Variants in CHLSN observed in about 807,000 individuals in gnomAD.
The protein encoded by CHLSN is protein cholesin.
At chr7:1,105,596 A>C in the CHLSN span, among the ~76,000 whole-genome samples, 2 of 152,248 alleles carry the variant, frequency 1.3e-5, no homozygotes, top group African/African-American at 4.8e-5. Flanking sequence ...GCATGTGAAA[A>C]TGTACCAAAT....
the CHLSN span, chr7:987,337 T>G: frequency 6.4e-7 from 1 of 1,568,002 alleles, no homozygotes; most frequent in South Asian, 1.1e-5. Flanking sequence ...CGGCCCACCC[T>G]TTGCCCCAGG....
chr7:1,124,636 C>A, the CHLSN span, among the ~76,000 whole-genome samples: 1 of 149,926 alleles, frequency 6.7e-6, no homozygotes, highest in African/African-American at 2.5e-5. Context: ...GTGGGTGCAG[C>A]GCACCAGCAT....
the CHLSN span, among the ~76,000 whole-genome samples, chr7:1,098,224 T>A: frequency 2.6e-5 from 4 of 151,794 alleles, no homozygotes; most frequent in East Asian, 7.7e-4. Context: ...GCAAGTGGGG[T>A]GGGTGCACAG....
At chr7:1,099,116 G>A in the CHLSN span, among the ~76,000 whole-genome samples, 6 of 138,506 alleles carry the variant, frequency 4.3e-5, no homozygotes, top group African/African-American at 8.1e-5. Flanking sequence ...GAGCCTCGCT[G>A]TCGCGTTCCT....
At chr7:988,390 GC>G in the CHLSN span, 1 of 1,612,688 alleles carries the variant, frequency 6.2e-7, no homozygotes, top group Non-Finnish European at 8.5e-7. Flanking sequence ...ACTTTGTGAA[GC>G]GGGAGGCCTT....
chr7:1,059,670 GTGAGGCGGGTCCGTAGT>G, the CHLSN span, among the ~76,000 whole-genome samples: 2 of 94,458 alleles, frequency 2.1e-5, no homozygotes, highest in Non-Finnish European at 4.5e-5. Context: ...CGGGTCCATA[GTGAGGCGGGTCCGTAGT>G]GGGGCGGGTC....
At chr7:1,115,952 A>C in the CHLSN span, among the ~76,000 whole-genome samples, 59,879 of 95,446 alleles carry the variant, frequency 0.63, 21,421 homozygotes, top group African/African-American at 0.85. Flanking sequence ...CCATCACCAA[A>C]GCCCACGCAG....
chr7:991,190 G>A, the CHLSN span, among the ~76,000 whole-genome samples: 3 of 152,248 alleles, frequency 2.0e-5, no homozygotes, highest in Non-Finnish European at 2.9e-5. Flanking sequence ...GGGACACCAA[G>A]TACAGGGTGA....
the CHLSN span, among the ~76,000 whole-genome samples, chr7:991,271 G>A: frequency 1.9e-4 from 29 of 152,136 alleles, 1 homozygote; most frequent in African/African-American, 6.7e-4. Flanking sequence ...CCCTGACCCC[G>A]CTCGCCCGAC....
At chr7:1,012,487 C>T in the CHLSN span, among the ~76,000 whole-genome samples, 2 of 152,248 alleles carry the variant, frequency 1.3e-5, no homozygotes, top group Non-Finnish European at 1.5e-5. Flanking sequence ...TTGTGTCAGG[C>T]ACCAGCCTGG....
the CHLSN span, among the ~76,000 whole-genome samples, chr7:998,457 CTTTT>C: frequency 1.7e-4 from 16 of 95,026 alleles, no homozygotes; most frequent in South Asian, 7.1e-4. Flanking sequence ...GTCTTAGATT[CTTTT>C]TTTTTTTTTT....
At chr7:1,092,510 T>A in the CHLSN span, 1 of 1,608,016 alleles carries the variant, frequency 6.2e-7, no homozygotes, top group Non-Finnish European at 8.5e-7. Context: ...CTCCGCATGA[T>A]CCTCGCGGTG....
the CHLSN span, among the ~76,000 whole-genome samples, chr7:1,129,702 G>A: frequency 2.6e-5 from 4 of 152,262 alleles, no homozygotes; most frequent in Non-Finnish European, 4.4e-5. Flanking sequence ...CTCGGCCTCC[G>A]CAAGTGCTGG....
At chr7:1,042,271 G>A in the CHLSN span, among the ~76,000 whole-genome samples, 1 of 152,168 alleles carries the variant, frequency 6.6e-6, no homozygotes, top group African/African-American at 2.4e-5. Flanking sequence ...CAGGCCAGGA[G>A]CACACAACTG....
chr7:1,070,961 C>G, the CHLSN span, among the ~76,000 whole-genome samples: 1 of 150,546 alleles, frequency 6.6e-6, no homozygotes, highest in Non-Finnish European at 1.5e-5. Context: ...ACAGCACAGA[C>G]ACGCACACGG....
chr7:1,031,405 C>A, the CHLSN span, among the ~76,000 whole-genome samples: 1 of 128,088 alleles, frequency 7.8e-6, no homozygotes, highest in Non-Finnish European at 1.6e-5. Context: ...GGGGCAGAGA[C>A]CTGCAGGGAG....
chr7:980,493 T>A, the CHLSN span, among the ~76,000 whole-genome samples: 1 of 152,216 alleles, frequency 6.6e-6, no homozygotes, highest in Non-Finnish European at 1.5e-5. Context: ...GAATTTATTT[T>A]AAGATATCCT....
chr7:1,017,357 C>T, the CHLSN span, among the ~76,000 whole-genome samples: 38 of 152,266 alleles, frequency 2.5e-4, no homozygotes, highest in African/African-American at 8.7e-4. Flanking sequence ...GGAAGGACAC[C>T]ACCAGCCTGG....
the CHLSN span, among the ~76,000 whole-genome samples, chr7:1,049,632 C>A: frequency 1.3e-5 from 2 of 152,194 alleles, no homozygotes; most frequent in Non-Finnish European, 2.9e-5. Flanking sequence ...CTAATCCAGG[C>A]CCCTGCAGAC....
Sources: gnomAD v4.1 joint callset for allele counts (sites outside exome capture counted in the v4.1 genomes callset) on GRCh38, gnomAD v4.1.1 for gene constraint, MANE v1.5 for transcripts, NCBI Gene and HGNC (gene_info 2026-07-23, HGNC 2026-07-21) for gene names.